PCDH15: variants seen among roughly 807,000 people sequenced by gnomAD.
PCDH15 encodes protocadherin related 15, also known as protocadherin-15.
A neutral mutation model predicts 178.5 loss-of-function variants in PCDH15; 129 were observed. That is an observed-to-expected ratio of 0.72 (90% CI 0.63 to 0.84). PCDH15 has a LOEUF of 0.84. Ranked by LOEUF, PCDH15 falls within the 40% of genes least tolerant of loss-of-function variation. The pLI is 0.00. For synonymous variants in PCDH15, 800 were observed against 732.0 expected, an observed-to-expected ratio of 1.09 and a Z score of -1.50; for missense variants, 2,230 against 2,099.9, an observed-to-expected ratio of 1.06 and a Z score of -1.21.
At chr10:55,608,953 G>T (rs553392552) in intron 2 of PCDH15, among the ~76,000 whole-genome samples, 2 of 151,656 alleles carry the variant, frequency 1.3e-5, no homozygotes, top group Non-Finnish European at 2.9e-5. Context: ...GGCCAGAAGG[G>T]TTAATTTCTG....
chr10:55,124,059 T>C (rs1837839075), intron 2 of PCDH15, among the ~76,000 whole-genome samples: 1 of 152,180 alleles, frequency 6.6e-6, no homozygotes, highest in Non-Finnish European at 1.5e-5. Flanking sequence ...AAGGAGCTTT[T>C]CTTTAACCCC....
chr10:55,336,442 G>T (rs978549211), intron 2 of PCDH15, among the ~76,000 whole-genome samples: 1 of 152,100 alleles, frequency 6.6e-6, no homozygotes, highest in Non-Finnish European at 1.5e-5. Context: ...AGGTTGCAGT[G>T]AGCCAAGGTC....
intron 2 of PCDH15, among the ~76,000 whole-genome samples, chr10:55,523,670 C>T (rs1429371200): frequency 6.6e-6 from 1 of 151,568 alleles, no homozygotes; most frequent in Non-Finnish European, 1.5e-5. Flanking sequence ...CCCCCAGCTT[C>T]TGGTAACCAT....
intron 2 of PCDH15, among the ~76,000 whole-genome samples, chr10:55,014,483 C>T (rs1840122621): frequency 7.3e-6 from 1 of 136,528 alleles, no homozygotes; most frequent in Non-Finnish European, 1.5e-5. Flanking sequence ...ATGCTTATAA[C>T]CAGACCAGAG....
chr10:55,395,194 T>TGAGAGAGAGA (rs1362426463), intron 2 of PCDH15, among the ~76,000 whole-genome samples: 1 of 91,012 alleles, frequency 1.1e-5, no homozygotes, highest in African/African-American at 4.4e-5. Flanking sequence ...TGTGTGTGTG[T>TGAGAGAGAGA]GTGAGAGAGA....
chr10:54,970,657 T>C (rs2131893419), intron 2 of PCDH15, among the ~76,000 whole-genome samples: 1 of 152,212 alleles, frequency 6.6e-6, no homozygotes, highest in African/African-American at 2.4e-5. Flanking sequence ...CCATTGTGAG[T>C]AGCATAATAA....
intron 2 of PCDH15, among the ~76,000 whole-genome samples, chr10:54,529,130 G>T (rs1235369419): frequency 2.0e-5 from 3 of 151,204 alleles, no homozygotes; most frequent in Non-Finnish European, 4.4e-5. Flanking sequence ...TGAATAATTA[G>T]GCCTTCAGGA....
At chr10:55,213,992 T>A (rs1840634944) in intron 1 of PCDH15, among the ~76,000 whole-genome samples, 1 of 151,970 alleles carries the variant, frequency 6.6e-6, no homozygotes, top group Admixed American at 6.6e-5. Context: ...AAGCATTACC[T>A]AGTTTCCATT....
chr10:53,988,251 T>G (rs2091239397), intron 21 of PCDH15, among the ~76,000 whole-genome samples: 1 of 152,082 alleles, frequency 6.6e-6, no homozygotes. Context: ...AGCATTAGGT[T>G]TCATGTACTC....
chr10:54,451,274 T>G (rs564504875), intron 3 of PCDH15, among the ~76,000 whole-genome samples: 27 of 151,992 alleles, frequency 1.8e-4, no homozygotes, highest in African/African-American at 6.5e-4. Context: ...ACATCAATTA[T>G]TATGCAAATA....
chr10:55,489,924 G>A (rs570995591), intron 2 of PCDH15, among the ~76,000 whole-genome samples: 1 of 151,672 alleles, frequency 6.6e-6, no homozygotes, highest in African/African-American at 2.4e-5. Context: ...AAGTGTCCAA[G>A]TTTAAAAATA....
At chr10:55,607,880 C>T (rs1458142421) in intron 2 of PCDH15, among the ~76,000 whole-genome samples, 1 of 150,600 alleles carries the variant, frequency 6.6e-6, no homozygotes, top group Non-Finnish European at 1.5e-5. Flanking sequence ...CACATGTACC[C>T]TAAAACTTAA....
chr10:55,516,850 T>C (rs982745676), intron 2 of PCDH15, among the ~76,000 whole-genome samples: 10 of 152,076 alleles, frequency 6.6e-5, no homozygotes, highest in African/African-American at 2.4e-4. Context: ...GTGAATTTGA[T>C]CACATGGGCT....
At chr10:55,047,043 G>T (rs867130958) in intron 2 of PCDH15, among the ~76,000 whole-genome samples, 2 of 151,694 alleles carry the variant, frequency 1.3e-5, no homozygotes, top group Admixed American at 6.6e-5. Context: ...ATTCTAGACA[G>T]TCTCATGCTT....
chr10:54,126,728 TATCA>T (rs1003726074), intron 15 of PCDH15, among the ~76,000 whole-genome samples: 1 of 152,180 alleles, frequency 6.6e-6, no homozygotes, highest in South Asian at 2.1e-4. Flanking sequence ...TTTGAATGAT[TATCA>T]ATCATTCAAA....
chr10:54,095,494 A>G (rs1281264575), intron 15 of PCDH15, among the ~76,000 whole-genome samples: 1 of 152,066 alleles, frequency 6.6e-6, no homozygotes, highest in Non-Finnish European at 1.5e-5. Context: ...TAAATCTACA[A>G]TGACAAAAAT....
chr10:54,666,680 T>C (rs973103053), intron 1 of PCDH15, among the ~76,000 whole-genome samples: 12 of 151,932 alleles, frequency 7.9e-5, no homozygotes, highest in African/African-American at 2.7e-4. Flanking sequence ...CCAGAAAGGA[T>C]ATATATTGGA....
chr10:55,383,918 C>A (rs1156807758), intron 2 of PCDH15, among the ~76,000 whole-genome samples: 1 of 151,930 alleles, frequency 6.6e-6, no homozygotes, highest in Non-Finnish European at 1.5e-5. Flanking sequence ...AAAGCACATT[C>A]AAAATTATGT....
rs190731030 is a variant in PCDH15, at chr10:54,634,133, C to T, written c.91+30039G>A. On this transcript the variant is annotated intron_variant, in intron 2 of 37. Transcript: ENST00000644397. Reference sequence around the variant, plus strand: ...GAGCAACCTTGATTCTTACCAAAAACAATACTGCATTTCAAGAAGATGAAA... The same window carrying T: ...GAGCAACCTTGATTCTTACCAAAAATAATACTGCATTTCAAGAAGATGAAA... Among the ~76,000 whole-genome samples the T allele has an allele frequency of 1.9e-4, 29 of 151,944 alleles. No individual in the cohort carries two copies. The East Asian group carries it at 5.0e-3, about 26-fold the overall frequency.
Sources: allele counts gnomAD v4.1 joint callset (sites outside exome capture counted in the v4.1 genomes callset), GRCh38; gene constraint gnomAD v4.1.1; transcripts MANE v1.5; gene names NCBI Gene and HGNC (gene_info 2026-07-23, HGNC 2026-07-21).